NCALD: variants seen among roughly 807,000 people sequenced by gnomAD.
NCALD encodes neurocalcin-delta.
Under a neutral mutation model 18.6 loss-of-function variants are expected in NCALD, and 10 were observed. That is an observed-to-expected ratio of 0.54 (90% CI 0.33 to 0.91). NCALD has a LOEUF of 0.91. Among genes scored for constraint, NCALD ranks in the 40% least tolerant of loss-of-function variants. NCALD has a pLI of 0.03. For missense variants in NCALD, 184 were observed against 247.6 expected, an observed-to-expected ratio of 0.74 and a Z score of 1.72; for synonymous variants, 88 against 87.4, an observed-to-expected ratio of 1.01 and a Z score of -0.04.
chr8:101,717,508 T>G (rs962617520), intron 2 of NCALD, among the ~76,000 whole-genome samples: 1 of 152,224 alleles, frequency 6.6e-6, no homozygotes, highest in African/African-American at 2.4e-5. Flanking sequence ...GTTATCAAGT[T>G]ACAGGTGTTA....
chr8:102,092,003 A>T (rs1165499945), intron 1 of NCALD, among the ~76,000 whole-genome samples: 1 of 152,230 alleles, frequency 6.6e-6, no homozygotes, highest in Non-Finnish European at 1.5e-5. Context: ...GGGTAAAATG[A>T]GGCTGAGACG....
chr8:101,996,393 T>C (rs984093237), intron 2 of NCALD, among the ~76,000 whole-genome samples: 1 of 152,186 alleles, frequency 6.6e-6, no homozygotes, highest in Non-Finnish European at 1.5e-5. Context: ...TACAGGAAAT[T>C]ATAAACTAAC....
intron 2 of NCALD, among the ~76,000 whole-genome samples, chr8:101,708,791 C>T (rs767384022): frequency 3.3e-5 from 5 of 152,180 alleles, no homozygotes; most frequent in Non-Finnish European, 5.9e-5. Flanking sequence ...CCCTCCACCC[C>T]TCAAGATCCC....
At chr8:102,100,558 C>T (rs549542548) in intron 1 of NCALD, among the ~76,000 whole-genome samples, 1 of 152,110 alleles carries the variant, frequency 6.6e-6, no homozygotes, top group Non-Finnish European at 1.5e-5. Flanking sequence ...TTGAGAAAAT[C>T]GTCAAGAAAC....
intron 2 of NCALD, among the ~76,000 whole-genome samples, chr8:101,708,109 T>C (rs930727980): frequency 3.9e-5 from 6 of 152,184 alleles, no homozygotes; most frequent in African/African-American, 1.2e-4. Context: ...CCAGACAGAC[T>C]GTCCCCCAAA....
At chr8:101,987,150 G>A (rs1820843743) in intron 2 of NCALD, among the ~76,000 whole-genome samples, 1 of 152,172 alleles carries the variant, frequency 6.6e-6, no homozygotes, top group Non-Finnish European at 1.5e-5. Context: ...AGCAGAAATG[G>A]CCTCAACCTC....
intron 2 of NCALD, among the ~76,000 whole-genome samples, chr8:101,964,862 G>A (rs1819964187): frequency 6.6e-6 from 1 of 152,064 alleles, no homozygotes; most frequent in Admixed American, 6.6e-5. Flanking sequence ...GTACAGAATG[G>A]GAAACACCAA....
chr8:101,848,294 G>T (rs1377830195), intron 4 of NCALD, among the ~76,000 whole-genome samples: 14 of 152,120 alleles, frequency 9.2e-5, no homozygotes, highest in Non-Finnish European at 1.5e-4. Flanking sequence ...AATTTATGGG[G>T]AGAATAGGAA....
chr8:101,801,902 G>T (rs1055665581), intron 4 of NCALD, among the ~76,000 whole-genome samples: 4 of 151,808 alleles, frequency 2.6e-5, no homozygotes, highest in Non-Finnish European at 4.4e-5. Context: ...TCCTGACCTC[G>T]TGATCCGCCC....
chr8:101,924,419 A>G (rs1269033109), intron 2 of NCALD, among the ~76,000 whole-genome samples: 1 of 152,170 alleles, frequency 6.6e-6, no homozygotes, highest in Non-Finnish European at 1.5e-5. Flanking sequence ...AGCACTTTAC[A>G]TTTGGTTTTA....
chr8:102,001,984 C>G (rs1289160997), intron 2 of NCALD, among the ~76,000 whole-genome samples: 1 of 152,130 alleles, frequency 6.6e-6, no homozygotes, highest in South Asian at 2.1e-4. Context: ...AGCAAAATAA[C>G]CAGCTAACAT....
At chr8:101,929,803 T>C (rs961794710) in intron 2 of NCALD, among the ~76,000 whole-genome samples, 3 of 152,104 alleles carry the variant, frequency 2.0e-5, no homozygotes, top group African/African-American at 7.2e-5. Context: ...TCCAGTACTT[T>C]GGGAGGCCTA....
chr8:101,864,680 C>T (rs1185068992), intron 4 of NCALD, among the ~76,000 whole-genome samples: 3 of 151,452 alleles, frequency 2.0e-5, no homozygotes, highest in African/African-American at 2.4e-5. Context: ...CTGCAACCTC[C>T]GCCTCCTGGG....
At chr8:101,909,341 T>A (rs1817712596) in intron 3 of NCALD, among the ~76,000 whole-genome samples, 1 of 152,222 alleles carries the variant, frequency 6.6e-6, no homozygotes, top group Admixed American at 6.5e-5. Flanking sequence ...GGATGAAGTA[T>A]CCACCCTGTG....
At chr8:102,083,796 A>G (rs537942405) in intron 1 of NCALD, among the ~76,000 whole-genome samples, 1 of 152,336 alleles carries the variant, frequency 6.6e-6, no homozygotes, top group East Asian at 1.9e-4. Flanking sequence ...TAGCTGTTGC[A>G]TAACTTTCTC....
intron 4 of NCALD, among the ~76,000 whole-genome samples, chr8:101,843,838 TC>T (rs1814753803): frequency 6.6e-6 from 1 of 152,084 alleles, no homozygotes; most frequent in Non-Finnish European, 1.5e-5. Context: ...CGACTCAGCC[TC>T]CCAAAGTGCT....
chr8:101,976,275 A>G (rs908017931), intron 2 of NCALD, among the ~76,000 whole-genome samples: 1 of 152,104 alleles, frequency 6.6e-6, no homozygotes, highest in Non-Finnish European at 1.5e-5. Context: ...CAAATTACCC[A>G]TTTGAGAGTG....
chr8:101,792,466 T>C (rs963356129), upstream of NCALD, among the ~76,000 whole-genome samples: 6 of 152,236 alleles, frequency 3.9e-5, no homozygotes, highest in Non-Finnish European at 8.8e-5. Context: ...GCTGTGGCAC[T>C]GCAAAACCGA....
At chr8:101,863,944 G>A (rs983838874) in intron 4 of NCALD, among the ~76,000 whole-genome samples, 1 of 152,108 alleles carries the variant, frequency 6.6e-6, no homozygotes, top group Non-Finnish European at 1.5e-5. Flanking sequence ...CCTGAGCAAC[G>A]AACTCAGAAT....
Sources: allele counts gnomAD v4.1 joint callset (sites outside exome capture counted in the v4.1 genomes callset), GRCh38; gene constraint gnomAD v4.1.1; transcripts MANE v1.5; gene names NCBI Gene and HGNC (gene_info 2026-07-23, HGNC 2026-07-21).